DPYD: variants seen among roughly 807,000 people sequenced by gnomAD.
DPYD encodes dihydropyrimidine dehydrogenase [NADP(+)].
Under a neutral mutation model 116.2 loss-of-function variants are expected in DPYD, and 109 were observed. That is an observed-to-expected ratio of 0.94 (90% CI 0.80 to 1.10). DPYD has a LOEUF of 1.10. Ranked by LOEUF, DPYD falls within the 50% of genes least tolerant of loss-of-function variation. The pLI is 0.00. For missense variants in DPYD, 1,302 were observed against 1,254.5 expected, an observed-to-expected ratio of 1.04 and a Z score of -0.57; for synonymous variants, 440 against 432.0, an observed-to-expected ratio of 1.02 and a Z score of -0.23.
intron 10 of DPYD, among the ~76,000 whole-genome samples, chr1:97,592,483 C>T (rs1654589886): frequency 6.6e-6 from 1 of 152,198 alleles, no homozygotes; most frequent in Non-Finnish European, 1.5e-5. Flanking sequence ...TCTCCTGCCT[C>T]AGCCTCCTGA....
intron 18 of DPYD, among the ~76,000 whole-genome samples, chr1:97,263,429 G>A (rs1283359186): frequency 6.6e-6 from 1 of 152,028 alleles, no homozygotes; most frequent in Non-Finnish European, 1.5e-5. Context: ...AAAAACAAAT[G>A]TAATACAGAT....
At chr1:97,839,315 C>A (rs1261707851) in intron 2 of DPYD, among the ~76,000 whole-genome samples, 2 of 152,168 alleles carry the variant, frequency 1.3e-5, no homozygotes, top group African/African-American at 4.8e-5. Flanking sequence ...AGTTATGTAA[C>A]AATAATTTTC....
chr1:97,791,714 A>C (rs895337973), intron 3 of DPYD, among the ~76,000 whole-genome samples: 2 of 152,190 alleles, frequency 1.3e-5, no homozygotes, highest in Non-Finnish European at 2.9e-5. Context: ...AATTTATCCT[A>C]TTCAGTTTCC....
chr1:97,749,409 T>A (rs889270945), intron 3 of DPYD, among the ~76,000 whole-genome samples: 3 of 152,196 alleles, frequency 2.0e-5, no homozygotes, highest in African/African-American at 7.2e-5. Flanking sequence ...TCATATGAAT[T>A]GACTAGGCAA....
intron 18 of DPYD, among the ~76,000 whole-genome samples, chr1:97,262,798 C>T (rs1570785821): frequency 6.6e-6 from 1 of 151,856 alleles, no homozygotes; most frequent in Non-Finnish European, 1.5e-5. Flanking sequence ...CATTCTGGAT[C>T]CATGCTGGGA....
chr1:97,158,472 G>C (rs1414679261), intron 20 of DPYD, among the ~76,000 whole-genome samples: 369 of 112,058 alleles, frequency 3.3e-3, no homozygotes, highest in Admixed American at 6.2e-3. Context: ...TAACTCACCA[G>C]ACACACACAC....
Position 97,444,657 on chromosome 1 carries a change from C to T in DPYD, c.1905+5402G>A, listed in dbSNP as rs577022774. Among the ~76,000 whole-genome samples the T allele has an allele frequency of 9.9e-5, 15 of 152,038 alleles. No homozygotes were observed. In the East Asian group the frequency reaches 2.9e-3, roughly 29 times the overall value. ...AACATACATATATATTCATTGTATCCACAGGAGATTTCTGAAATGATTGAA... is the reference window on the plus strand; with the variant it reads ...AACATACATATATATTCATTGTATCTACAGGAGATTTCTGAAATGATTGAA... On this transcript the variant is annotated intron_variant, in intron 14 of 22. Coordinates refer to ENST00000370192, the MANE Select transcript of DPYD (RefSeq NM_000110.4).
At chr1:97,084,334 C>A (rs1649357717) in intron 21 of DPYD, among the ~76,000 whole-genome samples, 1 of 151,762 alleles carries the variant, frequency 6.6e-6, no homozygotes, top group African/African-American at 2.4e-5. Flanking sequence ...AAATCCCAAG[C>A]ATCCTTCAAA....
chr1:97,362,464 T>C (rs945400438), intron 16 of DPYD, among the ~76,000 whole-genome samples: 10 of 152,148 alleles, frequency 6.6e-5, no homozygotes, highest in Non-Finnish European at 1.2e-4. Flanking sequence ...TTAAAGTTCA[T>C]ATGGAATCAA....
intron 10 of DPYD, among the ~76,000 whole-genome samples, chr1:97,579,206 G>T (rs1653472176): frequency 6.6e-6 from 1 of 152,146 alleles, no homozygotes; most frequent in Non-Finnish European, 1.5e-5. Flanking sequence ...GGAAGGACAG[G>T]GCATCAAGAC....
intron 20 of DPYD, among the ~76,000 whole-genome samples, chr1:97,177,970 T>A (rs1657405326): frequency 6.6e-6 from 1 of 152,084 alleles, no homozygotes; most frequent in Admixed American, 6.6e-5. Flanking sequence ...GGGCAAGGGA[T>A]CTCTCTGGGG....
intron 8 of DPYD, among the ~76,000 whole-genome samples, chr1:97,607,416 T>C (rs951309547): frequency 6.6e-6 from 1 of 151,786 alleles, no homozygotes; most frequent in Non-Finnish European, 1.5e-5. Context: ...AAGGGAAGAG[T>C]GTTGTTCCTT....
At chr1:97,224,367 T>C (rs1282832236) in intron 19 of DPYD, among the ~76,000 whole-genome samples, 2 of 152,022 alleles carry the variant, frequency 1.3e-5, no homozygotes, top group Non-Finnish European at 2.9e-5. Flanking sequence ...TCAGGATTCA[T>C]TGAAGCATTT....
At chr1:97,837,267 C>T (rs1031008070) in intron 2 of DPYD, among the ~76,000 whole-genome samples, 1 of 152,072 alleles carries the variant, frequency 6.6e-6, no homozygotes, top group African/African-American at 2.4e-5. Context: ...ACTCCATAAA[C>T]GGGTGTCTTA....
chr1:97,619,704 G>T (rs1656515501), intron 8 of DPYD, among the ~76,000 whole-genome samples: 2 of 151,930 alleles, frequency 1.3e-5, no homozygotes, highest in African/African-American at 4.8e-5. Context: ...CTTGCTCTTG[G>T]TATCTTTTGT....
chr1:97,562,156 AG>A (rs1377290892), intron 11 of DPYD, among the ~76,000 whole-genome samples: 1 of 152,240 alleles, frequency 6.6e-6, no homozygotes. Context: ...ACAAGTATGT[AG>A]GAGGGCAGAT....
At chr1:97,126,774 T>C (rs1652877231) in intron 20 of DPYD, among the ~76,000 whole-genome samples, 1 of 152,200 alleles carries the variant, frequency 6.6e-6, no homozygotes, top group Non-Finnish European at 1.5e-5. Flanking sequence ...GAATGGTAGC[T>C]AAAACTTCAT....
intron 2 of DPYD, among the ~76,000 whole-genome samples, chr1:97,875,388 G>A (rs930185100): frequency 2.0e-5 from 3 of 151,838 alleles, no homozygotes; most frequent in African/African-American, 7.2e-5. Context: ...CACATAGATG[G>A]GCATTAAAAC....
chr1:97,773,532 T>C (rs1325482196), intron 3 of DPYD, among the ~76,000 whole-genome samples: 1 of 152,060 alleles, frequency 6.6e-6, no homozygotes, highest in Non-Finnish European at 1.5e-5. Context: ...TGACCCACCA[T>C]GCTCCCCCCA....
Sources: gnomAD v4.1 joint callset for allele counts (sites outside exome capture counted in the v4.1 genomes callset) on GRCh38, gnomAD v4.1.1 for gene constraint, MANE v1.5 for transcripts, NCBI Gene and HGNC (gene_info 2026-07-23, HGNC 2026-07-21) for gene names.